The following CNTN5 variants were observed in gnomAD, a reference collection of about 807,000 sequenced individuals.
The protein encoded by CNTN5 is contactin-5.
In CNTN5, 77 loss-of-function variants were observed where a neutral mutation model predicts 129.1. The observed-to-expected ratio is 0.60, with a 90% CI of 0.50 to 0.72. CNTN5 has a LOEUF of 0.72. CNTN5 is among the 30% of genes least tolerant of loss of function. The pLI, the probability that CNTN5 is intolerant of heterozygous loss-of-function variation, is 0.00. For missense variants in CNTN5, 1,478 were observed against 1,328.8 expected (o/e 1.11, Z -1.75); for synonymous variants, 509 against 465.6 (o/e 1.09, Z -1.20).
intron 13 of CNTN5, among the ~76,000 whole-genome samples, chr11:100,116,721 A>G (rs550321509): frequency 6.6e-6 from 1 of 152,090 alleles, no homozygotes; most frequent in African/African-American, 2.4e-5. Flanking sequence ...TTCTTGACTA[A>G]TCTCATCTTT....
In CNTN5 at chr11:100,149,903, A is replaced by AG. The variant is rs1555022276; in HGVS notation, c.1581-41223_1581-41222insG. On this transcript the variant is annotated intron_variant, in intron 13 of 24. Transcript: ENST00000524871. ...GGTGAGACTCCATCTCAAAAAAAAA[A>AG]AAAAGAAAAGAAAAGAAAAAAAAAA... Among the ~76,000 whole-genome samples the AG allele has an allele frequency of 4.5e-3, 675 of 150,152 alleles. 4 individuals are homozygous for AG. Among genetic ancestry groups the AG allele is most frequent in the African/African-American group, 0.016 (639 of 40,078 alleles).
Position 99,757,590 on chromosome 11 carries a change from G to A in CNTN5, c.56-61954G>A, listed in dbSNP as rs75293357. 9.9e-3 allele frequency among the ~76,000 whole-genome samples: 1,509 copies of A among 152,032 alleles called. 24 individuals carry two copies. Among genetic ancestry groups the A allele is most frequent in the African/African-American group, 0.033 (1,369 of 41,506 alleles). On this transcript the variant is annotated intron_variant, in intron 3 of 24. Coordinates refer to ENST00000524871, the MANE Select transcript of CNTN5 (RefSeq NM_014361.4). ...CCCCACCCTAAGTAAGTATGATCTC[G>A]TTTTAACTTGATTATATCTACAGAG... is the stretch of plus-strand genomic sequence containing the variant.
chr11:99,633,123 C>T (rs1404963542), intron 3 of CNTN5, among the ~76,000 whole-genome samples: 2 of 152,040 alleles, frequency 1.3e-5, no homozygotes, highest in Non-Finnish European at 2.9e-5. Flanking sequence ...AACTCTCCTC[C>T]AAGTAAGTGG....
intron 6 of CNTN5, among the ~76,000 whole-genome samples, chr11:99,914,461 ATC>A (rs1949737971): frequency 1.3e-5 from 2 of 152,276 alleles, no homozygotes; most frequent in South Asian, 4.1e-4. Context: ...ATGTTGTATT[ATC>A]TCATACATAT....
intron 16 of CNTN5, among the ~76,000 whole-genome samples, chr11:100,238,757 C>G (rs1949678283): frequency 6.6e-6 from 1 of 152,064 alleles, no homozygotes; most frequent in Non-Finnish European, 1.5e-5. Flanking sequence ...ATAGCTGAAC[C>G]ATTGTTCTTT....
chr11:99,771,790 A>T (rs1944954999), intron 3 of CNTN5, among the ~76,000 whole-genome samples: 1 of 152,028 alleles, frequency 6.6e-6, no homozygotes, highest in Non-Finnish European at 1.5e-5. Context: ...GGTAGATCTT[A>T]AGTGTTGTCA....
rs191471503 is a variant in CNTN5, at chr11:100,300,342, A to G, written c.2620+946A>G. ...TTATTCAAATTCAGGATTTCAGTTA[A>G]CCTTACAAGTGGGGGAAAAAAATGA... On this transcript the variant is annotated intron_variant, in intron 20 of 24. Coordinates refer to ENST00000524871, the MANE Select transcript of CNTN5 (RefSeq NM_014361.4). Among the ~76,000 whole-genome samples the G allele has an allele frequency of 1.1e-4, 17 of 151,520 alleles. No individual in the cohort carries two copies. The East Asian group carries it at 3.1e-3, about 28-fold the overall frequency.
intron 3 of CNTN5, among the ~76,000 whole-genome samples, chr11:99,665,932 A>G (rs1952774355): frequency 6.7e-6 from 1 of 148,764 alleles, no homozygotes; most frequent in Non-Finnish European, 1.5e-5. Context: ...AGAAGAGCAC[A>G]ATTATCAAAT....
At chr11:99,104,616 G>GTGTA (rs1555044607) in intron 1 of CNTN5, among the ~76,000 whole-genome samples, 5 of 142,750 alleles carry the variant, frequency 3.5e-5, no homozygotes, top group East Asian at 2.0e-4. Flanking sequence ...CAATGTGTGT[G>GTGTA]TATATATATA....
chr11:99,570,647 G>T (rs954610759), intron 3 of CNTN5, among the ~76,000 whole-genome samples: 4 of 152,152 alleles, frequency 2.6e-5, no homozygotes, highest in Admixed American at 1.3e-4. Flanking sequence ...GGCTATAGGA[G>T]TGAACAAGAC....
At chr11:99,561,318 A>T (rs1948835449) in intron 3 of CNTN5, among the ~76,000 whole-genome samples, 1 of 152,178 alleles carries the variant, frequency 6.6e-6, no homozygotes, top group African/African-American at 2.4e-5. Flanking sequence ...TAAGTAAATA[A>T]ATAAATAAAT....
At chr11:99,900,427 TG>T (rs2135946670) in intron 6 of CNTN5, among the ~76,000 whole-genome samples, 1 of 152,230 alleles carries the variant, frequency 6.6e-6, no homozygotes, top group Admixed American at 6.5e-5. Context: ...GGATTCAGTT[TG>T]ATAGTATTTT....
At chr11:99,312,893 T>A (rs147158761) in intron 1 of CNTN5, among the ~76,000 whole-genome samples, 1 of 152,124 alleles carries the variant, frequency 6.6e-6, no homozygotes, top group East Asian at 1.9e-4. Context: ...GCTGGTCTTC[T>A]ATTAAAAAGT....
intron 8 of CNTN5, among the ~76,000 whole-genome samples, chr11:99,995,323 A>G (rs1939372616): frequency 8.3e-6 from 1 of 121,112 alleles, no homozygotes; most frequent in Non-Finnish European, 1.7e-5. Context: ...TTTGCCAAAA[A>G]ATTAAAAAAA....
chr11:99,922,564 A>C (rs1473624101), intron 7 of CNTN5, among the ~76,000 whole-genome samples: 6 of 152,338 alleles, frequency 3.9e-5, no homozygotes, highest in Non-Finnish European at 2.9e-5. Flanking sequence ...ATAGTCATGT[A>C]GATTATCATA....
chr11:99,915,854 T>C (rs1949775318), intron 6 of CNTN5, among the ~76,000 whole-genome samples, 200 bp from the exon 7 acceptor site: 1 of 152,190 alleles, frequency 6.6e-6, no homozygotes, highest in African/African-American at 2.4e-5. Context: ...GTGTGGTTTT[T>C]CTATGGGTGG....
At chr11:100,249,802 A>G (rs758098816) in intron 16 of CNTN5, among the ~76,000 whole-genome samples, 2 of 152,198 alleles carry the variant, frequency 1.3e-5, no homozygotes, top group Non-Finnish European at 1.5e-5. Context: ...AAAAACAAAG[A>G]TACTGACTAT....
At chr11:99,234,357 C>A (rs1277232158) in intron 1 of CNTN5, among the ~76,000 whole-genome samples, 1 of 151,968 alleles carries the variant, frequency 6.6e-6, no homozygotes, top group African/African-American at 2.4e-5. Flanking sequence ...GAAGGAGGGC[C>A]AAAATAAAGG....
intron 2 of CNTN5, among the ~76,000 whole-genome samples, chr11:99,346,456 T>G (rs1459822582): frequency 6.6e-6 from 1 of 152,190 alleles, no homozygotes; most frequent in Non-Finnish European, 1.5e-5. Flanking sequence ...GTGACAGGGA[T>G]TATGATTACT....
Sources: allele counts gnomAD v4.1 joint callset (sites outside exome capture counted in the v4.1 genomes callset), GRCh38; gene constraint gnomAD v4.1.1; transcripts MANE v1.5; gene names NCBI Gene and HGNC (gene_info 2026-07-23, HGNC 2026-07-21).